TTLL1: variants seen among roughly 807,000 people sequenced by gnomAD.
The protein encoded by TTLL1 is polyglutamylase complex subunit TTLL1.
In TTLL1, 33 loss-of-function variants were observed where a neutral mutation model predicts 47.8. The observed-to-expected ratio is 0.69, with a 90% CI of 0.52 to 0.92. The LOEUF is 0.92. Ranked by LOEUF, TTLL1 falls within the 40% of genes least tolerant of loss-of-function variation. The pLI, the probability that TTLL1 is intolerant of heterozygous loss-of-function variation, is 0.00. For missense variants in TTLL1, 488 were observed against 547.5 expected (o/e 0.89, Z 1.08); for synonymous variants, 225 against 214.1 (o/e 1.05, Z -0.45).
chr22:43,085,984 G>A (rs1457403169), intron 1 of TTLL1, among the ~76,000 whole-genome samples: 1 of 152,202 alleles, frequency 6.6e-6, no homozygotes, highest in Non-Finnish European at 1.5e-5. Context: ...CTCCAAAATC[G>A]TGTGTAGACA....
intron 2 of TTLL1, among the ~76,000 whole-genome samples, chr22:43,079,133 G>A: frequency 9.6e-6 from 1 of 103,756 alleles, no homozygotes; most frequent in Admixed American, 9.8e-5. Context: ...GGGGACCATG[G>A]GAGCCGCACC....
chr22:43,042,619 G>A (rs964019796), intron 10 of TTLL1, among the ~76,000 whole-genome samples: 1 of 152,206 alleles, frequency 6.6e-6, no homozygotes, highest in Non-Finnish European at 1.5e-5. Context: ...GATGCTGCTG[G>A]GCTCTGAGGA....
At chr22:43,066,786 T>C (rs1927766827) in intron 5 of TTLL1, among the ~76,000 whole-genome samples, 4 of 151,430 alleles carry the variant, frequency 2.6e-5, no homozygotes, top group African/African-American at 9.7e-5. Flanking sequence ...GGTCAAGAGT[T>C]AGAGACCAGC....
intron 8 of TTLL1, among the ~76,000 whole-genome samples, chr22:43,057,264 G>A (rs1207665317): frequency 1.5e-5 from 2 of 131,172 alleles, no homozygotes; most frequent in Non-Finnish European, 1.6e-5. Flanking sequence ...ATGAGACTCC[G>A]TCTCAAATTA....
At chr22:43,059,272 G>T in intron 8 of TTLL1, 112 bp downstream of exon 8, 1 of 1,446,144 alleles carries the variant, frequency 6.9e-7, no homozygotes, top group Non-Finnish European at 9.2e-7. Context: ...GGGATTACAG[G>T]CGTGAGCCGC....
At chr22:43,054,423 CTTTTT>C (rs767193512) in intron 8 of TTLL1, among the ~76,000 whole-genome samples, 2 of 139,244 alleles carry the variant, frequency 1.4e-5, no homozygotes, top group Admixed American at 7.3e-5. Context: ...GACATAATCT[CTTTTT>C]TTTTTTTTTT....
In TTLL1 at chr22:43,070,233, G is replaced by A; in HGVS notation, c.114-389C>T. Reference sequence around the variant, plus strand: ...AGGATCTGTACCGAAATTCAGGAAGGTCAAGGAGCCTTTAAAAACAAAATC... The same window carrying A: ...AGGATCTGTACCGAAATTCAGGAAGATCAAGGAGCCTTTAAAAACAAAATC... On this transcript the variant is annotated intron_variant, in intron 3 of 10. Transcript: ENST00000266254. 2.3e-6 allele frequency: 3 copies of A among 1,320,448 alleles called. No homozygotes were observed. In the South Asian group the frequency reaches 3.7e-5, roughly 16 times the overall value. 81.8% of individuals were successfully genotyped at this position (1,320,448 alleles called of 1,614,324 possible). A position where few individuals can be genotyped will look rare whatever the true frequency, so the allele number is the denominator to read the frequency against.
intron 9 of TTLL1, among the ~76,000 whole-genome samples, chr22:43,048,600 T>C (rs1175972859): frequency 6.7e-6 from 1 of 149,540 alleles, no homozygotes; most frequent in Non-Finnish European, 1.5e-5. Context: ...GATGGTGACA[T>C]TGCACTCCAG....
chr22:43,068,762 G>A (rs1329582727), intron 4 of TTLL1, among the ~76,000 whole-genome samples, 172 bp from the exon 5 acceptor site: 1 of 149,642 alleles, frequency 6.7e-6, no homozygotes, highest in Non-Finnish European at 1.5e-5. Flanking sequence ...ACACTCACAA[G>A]TTACATTTAT....
chr22:43,051,950 C>T, intron 8 of TTLL1, 63 bp from the exon 9 acceptor site: 3 of 1,502,142 alleles, frequency 2.0e-6, no homozygotes, highest in Non-Finnish European at 2.8e-6. Flanking sequence ...GAGACCAACG[C>T]CACAGAGACA....
Position 43,055,451 on chromosome 22 carries a change from C to T in TTLL1, c.892-3564G>A, listed in dbSNP as rs945132330. On this transcript the variant is annotated intron_variant, in intron 8 of 10. Transcript: ENST00000266254. ...GGCTCAAGTGATTTTCCCAGGTCAG[C>T]CTGCCCAGTAGCTGGGACTATAGGC... Among the ~76,000 whole-genome samples, 6 of 152,170 alleles carry T rather than the reference C, an allele frequency of 3.9e-5. 2 individuals carry two copies. The highest frequency in any genetic ancestry group is 2.4e-5 in the African/African-American group (1 of 41,516).
At chr22:43,058,956 G>A (rs1343368586) in intron 8 of TTLL1, among the ~76,000 whole-genome samples, 2 of 139,266 alleles carry the variant, frequency 1.4e-5, no homozygotes, top group African/African-American at 2.7e-5. Context: ...CCCTCCCAGC[G>A]TGCTGGGATT....
At position 43,059,517 on chromosome 22, in the gene TTLL1, T is replaced by A. The variant is rs1927261527; in HGVS notation, c.758A>T (p.Asn253Ile). The A allele has an allele frequency of 6.2e-7, 1 of 1,613,038 alleles. No individual in the cohort carries two copies. The highest frequency in any genetic ancestry group is 8.5e-7 in the Non-Finnish European group (1 of 1,179,582). Reference sequence around the variant, plus strand: ...TGTCCACTTGCCCCCATGGATGTGGTTGTAGTCCTCCTGGTGACGGGAAAG... The same window carrying A: ...TGTCCACTTGCCCCCATGGATGTGGATGTAGTCCTCCTGGTGACGGGAAAG... ...VAIQKHGEDY[N>I]HIHGGKWTVS... The change falls in exon 8 of 11, where the codon AAC (asparagine) becomes ATC (isoleucine). Residue 253 changes from asparagine (N) to isoleucine (I), a missense_variant. By Grantham distance (149) the Asn-to-Ile change is moderately radical. Coordinates refer to ENST00000266254, the MANE Select transcript of TTLL1 (RefSeq NM_012263.5).
chr22:43,088,874 C>T (rs1270631731), intron 1 of TTLL1, among the ~76,000 whole-genome samples: 1 of 152,152 alleles, frequency 6.6e-6, no homozygotes, highest in Non-Finnish European at 1.5e-5. Context: ...TTGGTCCAGT[C>T]ATCTAGAGGG....
intron 9 of TTLL1, among the ~76,000 whole-genome samples, chr22:43,048,355 C>T (rs992124332): frequency 1.3e-5 from 2 of 151,494 alleles, no homozygotes; most frequent in African/African-American, 4.9e-5. Context: ...TTGTTTTAGG[C>T]TGTGTGCAGT....
At position 43,052,634 on chromosome 22, in the gene TTLL1, G is replaced by A. The variant is rs138257652; in HGVS notation, c.892-747C>T. Among the ~76,000 whole-genome samples the A allele has an allele frequency of 4.8e-3, 725 of 152,202 alleles. 9 individuals are homozygous for A. Among genetic ancestry groups the A allele is most frequent in the African/African-American group, 0.017 (688 of 41,540 alleles). On this transcript the variant is annotated intron_variant, in intron 8 of 10. Transcript: ENST00000266254. ...TATGTGCCATTAGTCCCAGCTACTC[G>A]GGACAGCTGGAGGCTGGGAGGAAGA...
intron 3 of TTLL1, among the ~76,000 whole-genome samples, chr22:43,074,243 A>G (rs1323018948): frequency 6.6e-6 from 1 of 151,564 alleles, no homozygotes. Context: ...CCTGACCAAC[A>G]TGGAGAAACC....
chr22:43,058,300 TC>T (rs1436975720), intron 8 of TTLL1, among the ~76,000 whole-genome samples: 2 of 152,094 alleles, frequency 1.3e-5, no homozygotes, highest in Non-Finnish European at 2.9e-5. Flanking sequence ...TTCTCTCTTT[TC>T]CCTTAAAAAC....
At chr22:43,048,424 T>C (rs1926325886) in intron 9 of TTLL1, among the ~76,000 whole-genome samples, 1 of 146,696 alleles carries the variant, frequency 6.8e-6, no homozygotes, top group Non-Finnish European at 1.5e-5. Flanking sequence ...CGCTTGAAGC[T>C]AGGAGTTCAA....
Sources: gnomAD v4.1 joint callset for allele counts (sites outside exome capture counted in the v4.1 genomes callset) on GRCh38, gnomAD v4.1.1 for gene constraint, MANE v1.5 for transcripts, NCBI Gene and HGNC (gene_info 2026-07-23, HGNC 2026-07-21) for gene names.